Variants in HYCC2 observed in about 807,000 individuals in gnomAD.
The protein encoded by HYCC2 is hyccin 2.
chr2:201,007,574 T>A, the HYCC2 span, among the ~76,000 whole-genome samples: 1 of 152,216 alleles, frequency 6.6e-6, no homozygotes, highest in African/African-American at 2.4e-5. Flanking sequence ...TAAACTGGCC[T>A]TGCCCAAAGA....
the HYCC2 span, among the ~76,000 whole-genome samples, chr2:201,069,600 A>AAC: frequency 2.9e-3 from 423 of 147,860 alleles, 2 homozygotes; most frequent in African/African-American, 4.4e-3. Context: ...GCATAAAAGC[A>AAC]ACACACACAC....
chr2:200,987,798 A>G, the HYCC2 span, among the ~76,000 whole-genome samples: 1 of 152,216 alleles, frequency 6.6e-6, no homozygotes, highest in African/African-American at 2.4e-5. Flanking sequence ...TTCAAGTACC[A>G]TGTGTATGAA....
chr2:200,981,246 G>C, the HYCC2 span: 1 of 1,604,174 alleles, frequency 6.2e-7, no homozygotes, highest in African/African-American at 1.3e-5. The surrounding 1 kb of genome is among the most constrained non-coding windows in gnomAD (Gnocchi z 4.5). Flanking sequence ...AAGGTAAGCA[G>C]AAAGATGAGG....
the HYCC2 span, among the ~76,000 whole-genome samples, chr2:200,998,133 A>G: frequency 4.6e-5 from 7 of 152,344 alleles, no homozygotes; most frequent in Admixed American, 3.9e-4. Context: ...ATCCAAACTT[A>G]TCACAAGGTC....
chr2:200,987,377 CT>C, the HYCC2 span: 2 of 1,289,694 alleles, frequency 1.6e-6, no homozygotes, highest in Non-Finnish European at 2.0e-6. Context: ...TCTGTTGTGG[CT>C]GTTGCTGAGT....
chr2:200,998,578 G>A, the HYCC2 span, among the ~76,000 whole-genome samples: 13 of 152,184 alleles, frequency 8.5e-5, no homozygotes, highest in East Asian at 1.9e-4. Flanking sequence ...TGTCCAGCAC[G>A]GTGTCTAATA....
chr2:201,001,260 A>G, the HYCC2 span, among the ~76,000 whole-genome samples: 4,328 of 152,222 alleles, frequency 0.028, 215 homozygotes, highest in African/African-American at 0.099. Context: ...AGCCCTTACT[A>G]GACACTGAAT....
chr2:200,982,571 C>T, the HYCC2 span, among the ~76,000 whole-genome samples: 5 of 151,998 alleles, frequency 3.3e-5, no homozygotes, highest in African/African-American at 1.2e-4. Context: ...TATCAGAGAG[C>T]AGTGGTAGGG....
At chr2:200,980,676 G>C in the HYCC2 span, 1 of 153,704 alleles carries the variant, frequency 6.5e-6, no homozygotes, top group East Asian at 1.9e-4. Context: ...AAAGGAGATG[G>C]GGGGGTGGAG....
chr2:201,031,107 T>C, the HYCC2 span, among the ~76,000 whole-genome samples: 3 of 152,370 alleles, frequency 2.0e-5, no homozygotes, highest in African/African-American at 7.2e-5. Context: ...ATTGATAGCA[T>C]ATCCAAATCT....
the HYCC2 span, chr2:201,022,338 A>G: frequency 6.7e-6 from 2 of 297,668 alleles, no homozygotes; most frequent in East Asian, 1.8e-4. Flanking sequence ...GATCTTGACT[A>G]CTTAGACTAA....
chr2:201,033,192 TGTGTGA>T, the HYCC2 span, among the ~76,000 whole-genome samples: 351 of 131,786 alleles, frequency 2.7e-3, no homozygotes, highest in African/African-American at 0.01. Context: ...TGTGTGTGTG[TGTGTGA>T]GAGAGAGAGA....
At chr2:201,032,217 C>T in the HYCC2 span, among the ~76,000 whole-genome samples, 2 of 152,148 alleles carry the variant, frequency 1.3e-5, no homozygotes, top group Non-Finnish European at 2.9e-5. Context: ...CTGCCTTGGC[C>T]TCCCACAGTC....
chr2:201,000,344 A>T, the HYCC2 span, among the ~76,000 whole-genome samples: 1 of 152,018 alleles, frequency 6.6e-6, no homozygotes, highest in African/African-American at 2.4e-5. Context: ...AGCCATGATC[A>T]TGCCACTGCA....
chr2:200,974,966 A>G, the HYCC2 span: 2 of 152,062 alleles, frequency 1.3e-5, no homozygotes, highest in East Asian at 3.9e-4. Context: ...CATTTCCATA[A>G]TGCCCCCCTA....
At chr2:201,014,595 G>A in the HYCC2 span, among the ~76,000 whole-genome samples, 1 of 152,218 alleles carries the variant, frequency 6.6e-6, no homozygotes, top group South Asian at 2.1e-4. Flanking sequence ...ATAAGTGGCA[G>A]GGCATGGTTC....
At chr2:201,016,757 G>C in the HYCC2 span, among the ~76,000 whole-genome samples, 1 of 151,700 alleles carries the variant, frequency 6.6e-6, no homozygotes, top group Non-Finnish European at 1.5e-5. Context: ...ACACCACCAT[G>C]CTCAGCTAAT....
chr2:200,990,814 A>G, the HYCC2 span, among the ~76,000 whole-genome samples: 1 of 151,790 alleles, frequency 6.6e-6, no homozygotes, highest in Non-Finnish European at 1.5e-5. Context: ...CTCGTGATAC[A>G]CCCGCCTCGG....
the HYCC2 span, among the ~76,000 whole-genome samples, chr2:201,031,059 T>C: frequency 1.3e-5 from 2 of 152,192 alleles, no homozygotes; most frequent in African/African-American, 4.8e-5. Flanking sequence ...ATTCTAAAAA[T>C]TGTACTTGAA....
Sources: gnomAD v4.1 joint callset for allele counts (sites outside exome capture counted in the v4.1 genomes callset) on GRCh38, gnomAD v4.1.1 for gene constraint, Gnocchi (gnomAD v3.1) non-coding constraint, MANE v1.5 for transcripts, NCBI Gene and HGNC (gene_info 2026-07-23, HGNC 2026-07-21) for gene names.